Variants in MARVELD1 observed in about 807,000 individuals in gnomAD.
MARVELD1 encodes the protein MARVEL domain-containing protein 1.
In MARVELD1, 7 loss-of-function variants were observed where a neutral mutation model predicts 11.3. That is an observed-to-expected ratio of 0.62 (90% CI 0.35 to 1.16). The LOEUF (loss-of-function observed/expected upper bound fraction) is 1.16. MARVELD1 is among the 50% of genes most tolerant of loss of function. The pLI is 0.02. For synonymous variants in MARVELD1, 119 were observed against 121.4 expected (o/e 0.98, Z 0.13); for missense variants, 216 against 243.8 (o/e 0.89, Z 0.76).
rs2041895617 is a variant in MARVELD1, at chr10:97,714,402, C to T, written c.*4C>T. 1.3e-6 allele frequency: 2 copies of T among 1,490,666 alleles called. No homozygotes were observed. The highest frequency in any genetic ancestry group is 8.9e-7 in the Non-Finnish European group (1 of 1,128,516). 92.3% of individuals were successfully genotyped at this position (1,490,666 alleles called of 1,614,324 possible). On this transcript the variant is annotated 3_prime_UTR_variant, in exon 1 of 2. Coordinates refer to ENST00000285605, the MANE Select transcript of MARVELD1 (RefSeq NM_031484.4). This position sits in a 1 kb window ranked among gnomAD's most constrained non-coding sequence, Gnocchi z 7.4. ...GGGCAAGCAGGAGGTGGCGTGAGGC[C>T]GCCCGCGCCCGCCGCGGCCCCGATC...
Position 97,714,331 on chromosome 10 carries a change from G to T in MARVELD1, c.455G>T (p.Gly152Val), listed in dbSNP as rs2041895119. 1 of 1,535,702 alleles carries T rather than the reference G, an allele frequency of 6.5e-7. No homozygotes were observed. Among genetic ancestry groups the T allele is most frequent in the South Asian group, 1.2e-5 (1 of 84,036 alleles). Reference protein sequence around the residue: ...AAAVCGGVCHGLYLLSALYGC... With the variant: ...AAAVCGGVCHVLYLLSALYGC... Reference sequence around the variant, plus strand: ...GCCGTCTGCGGCGGCGTCTGCCACGGCCTCTACCTGCTTTCGGCGCTCTAT... The same window carrying T: ...GCCGTCTGCGGCGGCGTCTGCCACGTCCTCTACCTGCTTTCGGCGCTCTAT... The change falls in exon 1 of 2, where the codon GGC (glycine) becomes GTC (valine). Residue 152 changes from glycine (G) to valine (V), a missense_variant. Physicochemically the swap from Gly to Val is moderately radical, Grantham distance 109 (BLOSUM62 -3). Transcript: ENST00000285605. This position sits in a 1 kb window ranked among gnomAD's most constrained non-coding sequence, Gnocchi z 7.4.
In MARVELD1 at chr10:97,713,960, C is replaced by T; in HGVS notation, c.84C>T (p.Arg28=). Residue 28 remains arginine (R), a synonymous_variant, in exon 1 of 2, where the codon CGC becomes CGT. Transcript: ENST00000285605. The surrounding 1 kb of genome is among the most constrained non-coding windows in gnomAD (Gnocchi z 5.7). ...GAVRLQRPFL[R]SPLGVLRLLQ... ...TGCGCCTGCAGCGGCCCTTCCTGCG[C>T]AGCCCGCTGGGCGTGTTGCGGCTGC... 2 of 1,530,656 alleles carry T rather than the reference C, an allele frequency of 1.3e-6. No homozygotes were observed. The highest frequency in any genetic ancestry group is 1.7e-6 in the Non-Finnish European group (2 of 1,144,024). The allele number at this position is 1,530,656 out of a possible 1,614,324, so 94.8% of individuals were successfully genotyped here.
At position 97,714,471 on chromosome 10, in the gene MARVELD1, C is replaced by CCCG; in HGVS notation, c.*82_*84dup. The CCCG allele has an allele frequency of 8.6e-7, 1 of 1,162,286 alleles. No individual in the cohort carries two copies. The highest frequency in any genetic ancestry group is 1.7e-5 in the South Asian group (1 of 59,826). 72.0% of individuals were successfully genotyped at this position (1,162,286 alleles called of 1,614,324 possible). On this transcript the variant is annotated 3_prime_UTR_variant, in exon 1 of 2. Transcript: ENST00000285605. The surrounding 1 kb of genome is among the most constrained non-coding windows in gnomAD (Gnocchi z 7.4). ...GAGACCAGCCTCCTTAATCCCTTCC[C>CCCG]CCGCCGCCGCCCCGCGCGGGTGCGC...
Position 97,715,173 on chromosome 10 carries a change from C to T in MARVELD1, c.*775C>T, listed in dbSNP as rs1389201105. On this transcript the variant is annotated 3_prime_UTR_variant, in exon 1 of 2. Coordinates refer to ENST00000285605, the MANE Select transcript of MARVELD1 (RefSeq NM_031484.4). ...CCAGTGCCAAACACACACTAACTGT[C>T]CTGGCCTCTCCGTGACACAAGTCTC... 1 of 152,510 alleles carries T rather than the reference C, an allele frequency of 6.6e-6. No individual in the cohort carries two copies. Among genetic ancestry groups the T allele is most frequent in the African/African-American group, 2.4e-5 (1 of 41,466 alleles). 9.4% of individuals were successfully genotyped at this position (152,510 alleles called of 1,614,324 possible). A position where few individuals can be genotyped will look rare whatever the true frequency, so the allele number is the denominator to read the frequency against.
At position 97,715,904 on chromosome 10, in the gene MARVELD1, G is replaced by A. The variant is rs2041908778; in HGVS notation, c.*1506G>A. Reference sequence around the variant, plus strand: ...CAAGAGATCCCGGCACTGATCTGGAGCAGCTGACAGGGTGGGTCTCCCTTA... The same window carrying A: ...CAAGAGATCCCGGCACTGATCTGGAACAGCTGACAGGGTGGGTCTCCCTTA... On this transcript the variant is annotated 3_prime_UTR_variant, in exon 1 of 2. Transcript: ENST00000285605. 6.6e-6 allele frequency: 1 copy of A among 152,272 alleles called. No homozygotes were observed. Among genetic ancestry groups the A allele is most frequent in the African/African-American group, 2.4e-5 (1 of 41,462 alleles). 9.4% of individuals were successfully genotyped at this position (152,272 alleles called of 1,614,324 possible). A position where few individuals can be genotyped will look rare whatever the true frequency, so the allele number is the denominator to read the frequency against.
rs1479026859 is a variant in MARVELD1 at position 97,715,519 on chromosome 10, A to T, written c.*1121A>T. ...CTTTCTTGGAGATGCTCATTAGCTT[A>T]TCAAAGACTGAGAAGTCCCGCTGTT... On this transcript the variant is annotated 3_prime_UTR_variant, in exon 1 of 2. Coordinates refer to ENST00000285605, the MANE Select transcript of MARVELD1 (RefSeq NM_031484.4). The T allele has an allele frequency of 1.3e-5, 2 of 152,242 alleles. No homozygotes were observed. The highest frequency in any genetic ancestry group is 2.9e-5 in the Non-Finnish European group (2 of 68,052). The allele number at this position is 152,242 out of a possible 1,614,324, so 9.4% of individuals were successfully genotyped here.
intron 1 of MARVELD1, among the ~76,000 whole-genome samples, chr10:97,716,470 C>T (rs1159329362): frequency 6.6e-6 from 1 of 152,192 alleles, no homozygotes; most frequent in Non-Finnish European, 1.5e-5. Context: ...AGATCTCAGC[C>T]ACTGTGCCTG....
Position 97,713,862 on chromosome 10 carries a change from C to A in MARVELD1, c.-15C>A. ...GCTCGGGGCGCCGCCGCCGCCGCCA[C>A]CGCGCCCAGGGGCCATGCTCCCGCC... On this transcript the variant is annotated 5_prime_UTR_variant, in exon 1 of 2. Coordinates refer to ENST00000285605, the MANE Select transcript of MARVELD1 (RefSeq NM_031484.4). This position sits in a 1 kb window ranked among gnomAD's most constrained non-coding sequence, Gnocchi z 5.7. 3.2e-6 allele frequency: 2 copies of A among 634,618 alleles called. No individual in the cohort carries two copies. Among genetic ancestry groups the A allele is most frequent in the Non-Finnish European group, 2.0e-6 (1 of 512,134 alleles). 39.3% of individuals were successfully genotyped at this position (634,618 alleles called of 1,614,324 possible). A position where few individuals can be genotyped will look rare whatever the true frequency, so the allele number is the denominator to read the frequency against.
At position 97,715,833 on chromosome 10, in the gene MARVELD1, C is replaced by T. The variant is rs551441142; in HGVS notation, c.*1435C>T. On this transcript the variant is annotated 3_prime_UTR_variant, in exon 1 of 2. Coordinates refer to ENST00000285605, the MANE Select transcript of MARVELD1 (RefSeq NM_031484.4). ...CCTTTACATTGTTGGAGAAATGAAG[C>T]CAAAGTTATTCAGATGGTTTTCCCA... 10 of 152,340 alleles carry T rather than the reference C, an allele frequency of 6.6e-5. No individual in the cohort carries two copies. In the East Asian group the frequency reaches 1.7e-3, roughly 26 times the overall value. The allele number at this position is 152,340 out of a possible 1,614,324, so 9.4% of individuals were successfully genotyped here.
At chr10:97,717,007 A>G (rs2041916228) in intron 1 of MARVELD1, among the ~76,000 whole-genome samples, 187 bp from the exon 2 acceptor site, 1 of 152,222 alleles carries the variant, frequency 6.6e-6, no homozygotes, top group Non-Finnish European at 1.5e-5. Context: ...TTTTAAGTGT[A>G]TAGTTCAGTG....
Position 97,714,141 on chromosome 10 carries a change from G to C in MARVELD1, c.265G>C (p.Val89Leu). 2.0e-6 allele frequency: 3 copies of C among 1,536,956 alleles called. No individual in the cohort carries two copies. The highest frequency in any genetic ancestry group is 2.6e-6 in the Non-Finnish European group (3 of 1,146,718). ...GCTGGGCAAGCACGAGCTGGTCCCCGTGCTGGGCTCGCGCTGGCTCATGGT... is the reference window on the plus strand; with the variant it reads ...GCTGGGCAAGCACGAGCTGGTCCCCCTGCTGGGCTCGCGCTGGCTCATGGT... ...TLLGKHELVP[V>L]LGSRWLMVNV... Residue 89 changes from valine (V) to leucine (L), a missense_variant, in exon 1 of 2, where the codon GTG (valine) becomes CTG (leucine). Val to Leu is a conservative substitution (Grantham distance 32, BLOSUM62 1). Coordinates refer to ENST00000285605, the MANE Select transcript of MARVELD1 (RefSeq NM_031484.4). This position sits in a 1 kb window ranked among gnomAD's most constrained non-coding sequence, Gnocchi z 7.4.
At chr10:97,716,733 T>G (rs542569587) in intron 1 of MARVELD1, among the ~76,000 whole-genome samples, 2 of 152,278 alleles carry the variant, frequency 1.3e-5, no homozygotes, top group East Asian at 3.9e-4. Context: ...TGTCCATTGA[T>G]TCTCTCAGTA....
Position 97,714,031 on chromosome 10 carries a change from G to C in MARVELD1, c.155G>C (p.Ser52Thr), listed in dbSNP as rs1037303364. ...GCCTTCTGGATCACTATCGCCACCA[G>C]CAAGTACCAGGGCCCCGTGCACTTC... ...GAAFWITIAT[S>T]KYQGPVHFAL... The change falls in exon 1 of 2, where the codon AGC becomes ACC. Residue 52 changes from serine (S) to threonine (T), a missense_variant. Coordinates refer to ENST00000285605, the MANE Select transcript of MARVELD1 (RefSeq NM_031484.4). This position sits in a 1 kb window ranked among gnomAD's most constrained non-coding sequence, Gnocchi z 7.4. 4 of 1,536,546 alleles carry C rather than the reference G, an allele frequency of 2.6e-6. No individual in the cohort carries two copies. The Admixed American group carries it at 7.9e-5, about 30-fold the overall frequency.
Position 97,717,831 on chromosome 10 carries a change from C to T in MARVELD1, c.*2225C>T, listed in dbSNP as rs528049519. 2 of 152,416 alleles carry T rather than the reference C, an allele frequency of 1.3e-5. No homozygotes were observed. The highest frequency in any genetic ancestry group is 4.8e-5 in the African/African-American group (2 of 41,560). The allele number at this position is 152,416 out of a possible 1,614,324, so 9.4% of individuals were successfully genotyped here. ...CACGTAAGACCGCCACCACACTCAC[C>T]CTCCCTCAAGGCCCTGTGCCATAGG... On this transcript the variant is annotated 3_prime_UTR_variant, in exon 2 of 2. Transcript: ENST00000285605.
In MARVELD1 at chr10:97,714,107, C is replaced by T. The variant is rs533495298; in HGVS notation, c.231C>T (p.Phe77=). The T allele has an allele frequency of 6.5e-6, 10 of 1,537,004 alleles. No individual in the cohort carries two copies. The Admixed American group carries it at 1.2e-4, about 18-fold the overall frequency. ...GGCTGCTCACCCTGGGCCTCTACTT[C>T]CTCACGCTGCTGGGCAAGCACGAGC... is the stretch of plus-strand genomic sequence containing the variant. ...LFWLLTLGLY[F]LTLLGKHELV... Residue 77 remains phenylalanine, a synonymous_variant, in exon 1 of 2, where the codon TTC becomes TTT. Coordinates refer to ENST00000285605, the MANE Select transcript of MARVELD1 (RefSeq NM_031484.4). This position sits in a 1 kb window ranked among gnomAD's most constrained non-coding sequence, Gnocchi z 7.4.
In MARVELD1 at chr10:97,714,071, C is replaced by T. The variant is rs998118834; in HGVS notation, c.195C>T (p.Ser65=). ...CCGTGCACTTCGCGCTCTTCGTGTC[C>T]GTGCTCTTCTGGCTGCTCACCCTGG... ...QGPVHFALFV[S]VLFWLLTLGL... Residue 65 remains serine (S), a synonymous_variant, in exon 1 of 2, where the codon TCC becomes TCT. Transcript: ENST00000285605. This position sits in a 1 kb window ranked among gnomAD's most constrained non-coding sequence, Gnocchi z 7.4. 2 of 1,536,946 alleles carry T rather than the reference C, an allele frequency of 1.3e-6. No homozygotes were observed. Among genetic ancestry groups the T allele is most frequent in the Non-Finnish European group, 1.7e-6 (2 of 1,146,722 alleles).
intron 1 of MARVELD1, among the ~76,000 whole-genome samples, chr10:97,716,365 G>A (rs2041912392): frequency 6.6e-6 from 1 of 151,844 alleles, no homozygotes; most frequent in Non-Finnish European, 1.5e-5. Flanking sequence ...TTAAATTTTT[G>A]TAGAGACAGG....
Position 97,714,323 on chromosome 10 carries a change from C to G in MARVELD1, c.447C>G (p.Val149=). ...AFLAAAVCGG[V]CHGLYLLSAL... ...TGGCGGCCGCCGTCTGCGGCGGCGT[C>G]TGCCACGGCCTCTACCTGCTTTCGG... is the stretch of plus-strand genomic sequence containing the variant. Residue 149 remains valine, a synonymous_variant, in exon 1 of 2, where the codon GTC becomes GTG. Transcript: ENST00000285605. This position sits in a 1 kb window ranked among gnomAD's most constrained non-coding sequence, Gnocchi z 7.4. 1 of 1,535,980 alleles carries G rather than the reference C, an allele frequency of 6.5e-7. No homozygotes were observed.
In MARVELD1 at chr10:97,714,444, CG is replaced by C; in HGVS notation, c.*48del. 7.3e-7 allele frequency: 1 copy of C among 1,371,616 alleles called. No homozygotes were observed. The highest frequency in any genetic ancestry group is 9.6e-7 in the Non-Finnish European group (1 of 1,038,698). The allele number at this position is 1,371,616 out of a possible 1,614,324, so 85.0% of individuals were successfully genotyped here. ...GCCCCGATCGGGGCGGGGGAATCCC[CG>C]GAGACCAGCCTCCTTAATCCCTTCC... On this transcript the variant is annotated 3_prime_UTR_variant, in exon 1 of 2. Coordinates refer to ENST00000285605, the MANE Select transcript of MARVELD1 (RefSeq NM_031484.4). The surrounding 1 kb of genome is among the most constrained non-coding windows in gnomAD (Gnocchi z 7.4).
Sources: gnomAD v4.1 joint callset for allele counts (sites outside exome capture counted in the v4.1 genomes callset) on GRCh38, gnomAD v4.1.1 for gene constraint, Gnocchi (gnomAD v3.1) non-coding constraint, MANE v1.5 for transcripts, NCBI Gene and HGNC (gene_info 2026-07-23, HGNC 2026-07-21) for gene names.